The following TSPAN9 variants were observed in gnomAD, a reference collection of about 807,000 sequenced individuals.
TSPAN9 encodes the protein tetraspanin 9, also known as tetraspanin-9.
In TSPAN9, 16 loss-of-function variants were observed where a neutral mutation model predicts 31.0. The observed-to-expected ratio is 0.52, with a 90% CI of 0.35 to 0.78. The LOEUF (loss-of-function observed/expected upper bound fraction) is 0.78. Among genes scored for constraint, TSPAN9 ranks in the 30% least tolerant of loss-of-function variants. The pLI is 0.01. For synonymous variants in TSPAN9, 145 were observed against 121.6 expected (o/e 1.19, Z -1.27); for missense variants, 272 against 312.5 (o/e 0.87, Z 0.98).
chr12:3,091,731 C>T (rs943729876), intron 2 of TSPAN9, among the ~76,000 whole-genome samples: 1 of 152,234 alleles, frequency 6.6e-6, no homozygotes, highest in East Asian at 1.9e-4. Context: ...CCTGCTCCCC[C>T]TCAGCAGCTT....
At chr12:3,214,794 C>A (rs965919146) in intron 3 of TSPAN9, among the ~76,000 whole-genome samples, 6 of 152,102 alleles carry the variant, frequency 3.9e-5, no homozygotes, top group Admixed American at 2.0e-4. Context: ...AGAACTGTCG[C>A]GGCTCCTTCC....
chr12:3,094,212 G>GT (rs1479083117), intron 2 of TSPAN9, among the ~76,000 whole-genome samples: 3 of 152,146 alleles, frequency 2.0e-5, no homozygotes, highest in Non-Finnish European at 4.4e-5. Flanking sequence ...GAGGCTTCCT[G>GT]TTTCTAGCCG....
chr12:3,095,612 G>C (rs1375798128), intron 2 of TSPAN9, among the ~76,000 whole-genome samples: 6 of 113,840 alleles, frequency 5.3e-5, no homozygotes, highest in African/African-American at 1.8e-4. Context: ...AGACGGGGCG[G>C]CTGGCCGGGC....
intron 2 of TSPAN9, among the ~76,000 whole-genome samples, chr12:3,154,605 CT>C (rs1332257517): frequency 6.6e-6 from 1 of 152,238 alleles, no homozygotes; most frequent in Admixed American, 6.5e-5. Context: ...CCTTCCCTCC[CT>C]TTTCCTCAGC....
At chr12:3,203,518 G>A (rs574063618) in intron 3 of TSPAN9, among the ~76,000 whole-genome samples, 4 of 152,288 alleles carry the variant, frequency 2.6e-5, no homozygotes, top group African/African-American at 4.8e-5. Context: ...ATATATTTTC[G>A]TTACGGTTGA....
At chr12:3,255,178 C>T (rs1215961787) in intron 3 of TSPAN9, among the ~76,000 whole-genome samples, 1 of 152,246 alleles carries the variant, frequency 6.6e-6, no homozygotes, top group African/African-American at 2.4e-5. Context: ...GACAGTCAAC[C>T]TTGGGCCTTC....
At chr12:3,186,131 G>A (rs1397369283) in intron 2 of TSPAN9, among the ~76,000 whole-genome samples, 1 of 152,162 alleles carries the variant, frequency 6.6e-6, no homozygotes, top group Admixed American at 6.5e-5. Context: ...CTGGGCAGGC[G>A]CTAACTACAG....
At chr12:3,235,267 T>G (rs1263707088) in intron 3 of TSPAN9, among the ~76,000 whole-genome samples, 1 of 88,288 alleles carries the variant, frequency 1.1e-5, no homozygotes, top group African/African-American at 4.6e-5. Context: ...TATATATATA[T>G]ATATGTAAGT....
At chr12:3,176,839 C>T (rs1416549805) in intron 2 of TSPAN9, among the ~76,000 whole-genome samples, 2 of 152,240 alleles carry the variant, frequency 1.3e-5, no homozygotes, top group Non-Finnish European at 2.9e-5. Flanking sequence ...TCCTTGATTA[C>T]CCACCAGAGC....
intron 2 of TSPAN9, among the ~76,000 whole-genome samples, chr12:3,181,597 T>C (rs183189524): frequency 1.2e-4 from 19 of 152,208 alleles, no homozygotes; most frequent in African/African-American, 3.9e-4. Context: ...AAGTAACACC[T>C]AATGAGCTCA....
intron 3 of TSPAN9, among the ~76,000 whole-genome samples, chr12:3,269,638 C>T (rs187185735): frequency 1.3e-5 from 2 of 152,344 alleles, no homozygotes; most frequent in East Asian, 3.9e-4. Context: ...GCTGTGCCCT[C>T]TTGCTCACTT....
intron 3 of TSPAN9, among the ~76,000 whole-genome samples, chr12:3,243,765 G>T (rs945009139): frequency 2.6e-5 from 4 of 152,174 alleles, no homozygotes; most frequent in African/African-American, 7.2e-5. Context: ...TTGATTTTCT[G>T]TCTCCTCTGA....
chr12:3,123,637 T>G (rs67328755), intron 2 of TSPAN9, among the ~76,000 whole-genome samples: 4 of 146,936 alleles, frequency 2.7e-5, no homozygotes, highest in South Asian at 2.1e-4. Context: ...TTTTTTTTTT[T>G]GGGAAAAATT....
chr12:3,184,713 A>G (rs1472301053), intron 2 of TSPAN9, among the ~76,000 whole-genome samples: 2 of 152,146 alleles, frequency 1.3e-5, no homozygotes, highest in African/African-American at 4.8e-5. Flanking sequence ...CCTGCCCTGC[A>G]TGGTTTTGCT....
intron 3 of TSPAN9, among the ~76,000 whole-genome samples, chr12:3,238,815 G>A (rs118139565): frequency 0.01 from 1,527 of 152,322 alleles, 80 homozygotes; most frequent in Admixed American, 0.083. Flanking sequence ...CTGTTGAACT[G>A]GGCCTCTCAC....
At chr12:3,096,415 A>G (rs1388887988) in intron 2 of TSPAN9, among the ~76,000 whole-genome samples, 2 of 152,114 alleles carry the variant, frequency 1.3e-5, no homozygotes, top group Non-Finnish European at 2.9e-5. Flanking sequence ...TCTCCTAAGT[A>G]TCTCTTGTGC....
chr12:3,093,255 C>T (rs2098305844), intron 2 of TSPAN9, among the ~76,000 whole-genome samples: 1 of 152,190 alleles, frequency 6.6e-6, no homozygotes, highest in Admixed American at 6.5e-5. Context: ...TTGTGCTGTG[C>T]CCATCAGCCG....
chr12:3,199,577 G>A (rs1163487714), intron 2 of TSPAN9, among the ~76,000 whole-genome samples: 9 of 152,196 alleles, frequency 5.9e-5, no homozygotes, highest in Non-Finnish European at 1.0e-4. Context: ...TGGCACAGGC[G>A]GGGTGAGGAA....
At chr12:3,166,820 G>A (rs1451422874) in intron 2 of TSPAN9, among the ~76,000 whole-genome samples, 1 of 152,106 alleles carries the variant, frequency 6.6e-6, no homozygotes, top group African/African-American at 2.4e-5. Flanking sequence ...TCTTTGAGAT[G>A]GAGTCTCGCT....
Sources: allele counts gnomAD v4.1 joint callset (sites outside exome capture counted in the v4.1 genomes callset), GRCh38; gene constraint gnomAD v4.1.1; transcripts MANE v1.5; gene names NCBI Gene and HGNC (gene_info 2026-07-23, HGNC 2026-07-21).